The following MDFIC variants were observed in gnomAD, a reference collection of about 807,000 sequenced individuals.
MDFIC encodes the protein myoD family inhibitor domain-containing protein.
MDFIC carries 17 observed loss-of-function variants against 23.2 expected under a neutral mutation model. The observed-to-expected ratio is 0.73, with a 90% CI of 0.50 to 1.10. MDFIC has a LOEUF of 1.10. MDFIC is among the 50% of genes least tolerant of loss of function. The pLI, the probability that MDFIC is intolerant of heterozygous loss-of-function variation, is 0.00. For missense variants in MDFIC, 356 were observed against 316.6 expected, an observed-to-expected ratio of 1.12 and a Z score of -0.95; for synonymous variants, 120 against 115.2, an observed-to-expected ratio of 1.04 and a Z score of -0.27.
At chr7:114,985,884 CT>C (rs201158352) in intron 4 of MDFIC, among the ~76,000 whole-genome samples, 1,797 of 151,928 alleles carry the variant, frequency 0.012, 18 homozygotes, top group Middle Eastern at 0.034. Context: ...CCCATATATA[CT>C]TTTTTTGAAA....
At chr7:115,003,727 C>A (rs1791510386) in intron 4 of MDFIC, among the ~76,000 whole-genome samples, 1 of 152,138 alleles carries the variant, frequency 6.6e-6, no homozygotes, top group African/African-American at 2.4e-5. Flanking sequence ...GCATAACTTC[C>A]CCACTGGCTG....
intron 3 of MDFIC, among the ~76,000 whole-genome samples, chr7:114,968,698 A>G (rs1252489078): frequency 1.3e-5 from 2 of 152,190 alleles, no homozygotes; most frequent in Non-Finnish European, 2.9e-5. Context: ...ATTAAAGCAC[A>G]AAGATTTCCT....
chr7:114,927,695 A>G (rs937385648), intron 2 of MDFIC, among the ~76,000 whole-genome samples: 1 of 152,312 alleles, frequency 6.6e-6, no homozygotes, highest in Admixed American at 6.5e-5. Context: ...AAACAAGGAA[A>G]GAAATCTCCA....
chr7:115,015,132 T>C lies in MDFIC; in HGVS notation c.494-556T>C, dbSNP rs574912374. Among the ~76,000 whole-genome samples the C allele has an allele frequency of 3.9e-5, 6 of 152,328 alleles. No homozygotes were observed. In the South Asian group the frequency reaches 8.3e-4, roughly 21 times the overall value. On this transcript the variant is annotated intron_variant, in intron 4 of 4. Coordinates refer to ENST00000393486, the MANE Select transcript of MDFIC (RefSeq NM_001166345.3). ...TTTAATATTTGTGAAATAAAAAGAC[T>C]AAAACCATGAAATTGAATCATTTGT...
intron 4 of MDFIC, among the ~76,000 whole-genome samples, chr7:114,996,978 TGAAG>T (rs1418129168): frequency 1.3e-5 from 2 of 151,992 alleles, no homozygotes; most frequent in African/African-American, 4.8e-5. Context: ...GGAAACCAAA[TGAAG>T]GAAGTATTTT....
At chr7:114,973,985 T>TA (rs901051853) in intron 3 of MDFIC, among the ~76,000 whole-genome samples, 1 of 151,250 alleles carries the variant, frequency 6.6e-6, no homozygotes, top group Non-Finnish European at 1.5e-5. Context: ...AAGAGGCAAA[T>TA]AAAAAAAAGA....
intron 2 of MDFIC, among the ~76,000 whole-genome samples, chr7:114,929,652 T>C (rs1792271367): frequency 6.6e-6 from 1 of 152,146 alleles, no homozygotes; most frequent in African/African-American, 2.4e-5. Flanking sequence ...CACAGGAGCA[T>C]TGGATATTTG....
intron 2 of MDFIC, among the ~76,000 whole-genome samples, chr7:114,924,012 T>C (rs1047198516): frequency 6.6e-5 from 10 of 152,222 alleles, no homozygotes; most frequent in Admixed American, 6.5e-4. Flanking sequence ...AGGGATTTTT[T>C]TTAAGGCAGC....
At chr7:114,964,991 A>G (rs1173631531) in intron 3 of MDFIC, among the ~76,000 whole-genome samples, 1 of 152,228 alleles carries the variant, frequency 6.6e-6, no homozygotes, top group Non-Finnish European at 1.5e-5. Context: ...CTTGTTATGG[A>G]AAAGCATACA....
intron 3 of MDFIC, among the ~76,000 whole-genome samples, chr7:114,976,080 A>C (rs1387869153): frequency 1.3e-5 from 2 of 152,132 alleles, no homozygotes. Context: ...GCAAATAGTC[A>C]ATTTTGATAG....
intron 3 of MDFIC, 50 bp downstream of exon 3, chr7:114,942,447 T>C: frequency 2.2e-6 from 3 of 1,387,426 alleles, no homozygotes; most frequent in Non-Finnish European, 2.9e-6. Context: ...ATGACTATGG[T>C]AATATATTCT....
At chr7:115,015,509 A>G (rs1791777625) in intron 4 of MDFIC, among the ~76,000 whole-genome samples, 179 bp from the exon 5 acceptor site, 1 of 152,174 alleles carries the variant, frequency 6.6e-6, no homozygotes, top group Admixed American at 6.5e-5. Flanking sequence ...ACTTCTAAAG[A>G]TCACTCATCT....
chr7:114,942,261 C>A lies in MDFIC; in HGVS notation c.95-14C>A. 1.4e-6 allele frequency: 2 copies of A among 1,408,028 alleles called. No homozygotes were observed. The highest frequency in any genetic ancestry group is 1.9e-6 in the Non-Finnish European group (2 of 1,041,434). 87.2% of individuals were successfully genotyped at this position (1,408,028 alleles called of 1,614,324 possible). ...ATAAAATCAATTATATTAAATGTAT[C>A]TTTTTTAATTCAGGAAAATGTGATA... On this transcript the variant is annotated splice_polypyrimidine_tract_variant and intron_variant, in intron 2 of 4. Transcript: ENST00000393486.
chr7:115,013,195 C>G (rs1791715601), intron 4 of MDFIC, among the ~76,000 whole-genome samples: 2 of 151,934 alleles, frequency 1.3e-5, no homozygotes, highest in African/African-American at 2.4e-5. Context: ...TACACATGTA[C>G]TGCTGTGAAA....
chr7:114,980,033 CT>C, intron 4 of MDFIC: 1 of 499,092 alleles, frequency 2.0e-6, no homozygotes. Flanking sequence ...AACTGCTATA[CT>C]TCTTTTTTTA....
chr7:114,925,886 C>T (rs1274185566), intron 2 of MDFIC, among the ~76,000 whole-genome samples: 2 of 152,186 alleles, frequency 1.3e-5, no homozygotes, highest in African/African-American at 4.8e-5. Flanking sequence ...TGTGATCTCT[C>T]ATACAGAAAA....
intron 4 of MDFIC, among the ~76,000 whole-genome samples, chr7:114,988,709 G>C (rs1392173950): frequency 6.6e-6 from 1 of 152,162 alleles, no homozygotes; most frequent in African/African-American, 2.4e-5. Flanking sequence ...ATCATGAGTT[G>C]AGTTTTAGAT....
At chr7:114,967,660 G>T (rs1793125770) in intron 3 of MDFIC, among the ~76,000 whole-genome samples, 1 of 152,022 alleles carries the variant, frequency 6.6e-6, no homozygotes, top group Admixed American at 6.6e-5. Flanking sequence ...CAAGAATGGT[G>T]CCTGGCACCA....
At chr7:114,968,899 T>C (rs187404824) in intron 3 of MDFIC, among the ~76,000 whole-genome samples, 172 of 152,314 alleles carry the variant, frequency 1.1e-3, no homozygotes, top group African/African-American at 4.0e-3. Flanking sequence ...AGTTAGCAAT[T>C]TGTATGCTCG....
Sources: gnomAD v4.1 joint callset for allele counts (sites outside exome capture counted in the v4.1 genomes callset) on GRCh38, gnomAD v4.1.1 for gene constraint, MANE v1.5 for transcripts, NCBI Gene and HGNC (gene_info 2026-07-23, HGNC 2026-07-21) for gene names.